The following RANBP2 variants were observed in gnomAD, a reference collection of about 807,000 sequenced individuals.
RANBP2 encodes the protein E3 SUMO-protein ligase RanBP2.
In RANBP2, 57 loss-of-function variants were observed where a neutral mutation model predicts 303.6. The ratio of observed to expected loss-of-function variants is 0.19; its 90% CI spans 0.15 to 0.23. The LOEUF is 0.23. RANBP2 is among the 10% of genes least tolerant of loss of function. The pLI, the probability that RANBP2 is intolerant of heterozygous loss-of-function variation, is 1.00. For synonymous variants in RANBP2, 1,167 were observed against 1,301.5 expected (o/e 0.90, Z 2.23); for missense variants, 3,138 against 3,780.8 (o/e 0.83, Z 4.46).
the RANBP2 span, among the ~76,000 whole-genome samples, chr2:109,270,991 A>T: frequency 6.6e-6 from 1 of 152,114 alleles, no homozygotes; most frequent in Non-Finnish European, 1.5e-5. Flanking sequence ...TGTTTATTCC[A>T]TTTTCTGGGT....
the RANBP2 span, among the ~76,000 whole-genome samples, chr2:109,510,915 G>A: frequency 1.3e-5 from 2 of 152,192 alleles, no homozygotes; most frequent in Non-Finnish European, 2.9e-5. Flanking sequence ...GCCTCCTCGT[G>A]GGTGCTGAAG....
chr2:109,495,368 C>T, the RANBP2 span, among the ~76,000 whole-genome samples: 1 of 152,126 alleles, frequency 6.6e-6, no homozygotes, highest in Non-Finnish European at 1.5e-5. Context: ...TGGATGCCTG[C>T]CTCCTGGCTC....
the RANBP2 span, among the ~76,000 whole-genome samples, chr2:109,179,234 C>A: frequency 6.6e-6 from 1 of 152,200 alleles, no homozygotes; most frequent in East Asian, 1.9e-4. Flanking sequence ...CCTGTTCTGA[C>A]ATGTGATCCT....
the RANBP2 span, among the ~76,000 whole-genome samples, chr2:108,837,187 C>T: frequency 1.3e-5 from 2 of 152,096 alleles, no homozygotes; most frequent in South Asian, 4.2e-4. Flanking sequence ...TATATATAGC[C>T]TTTATTATAT....
At chr2:109,460,324 A>G in the RANBP2 span, among the ~76,000 whole-genome samples, 2 of 152,202 alleles carry the variant, frequency 1.3e-5, no homozygotes, top group African/African-American at 2.4e-5. Flanking sequence ...AGGTGGTCCA[A>G]GGTAGTCACC....
chr2:109,546,267 GAC>G, the RANBP2 span: 519 of 1,454,962 alleles, frequency 3.6e-4, 2 homozygotes, highest in African/African-American at 6.8e-3. Flanking sequence ...CCCCACTACT[GAC>G]ACAGCGCGGC....
At chr2:109,478,267 G>A in the RANBP2 span, among the ~76,000 whole-genome samples, 12 of 152,168 alleles carry the variant, frequency 7.9e-5, no homozygotes, top group South Asian at 2.1e-4. Flanking sequence ...CCATAAAGCC[G>A]TCTAGCTGTC....
At chr2:108,800,452 ACGGG>A in the RANBP2 span, among the ~76,000 whole-genome samples, 1 of 151,692 alleles carries the variant, frequency 6.6e-6, no homozygotes, top group Non-Finnish European at 1.5e-5. Flanking sequence ...TTTAGTAGGG[ACGGG>A]GTTTCACCAT....
chr2:108,750,686 C>T (rs1034607958), intron 9 of RANBP2, among the ~76,000 whole-genome samples: 5 of 152,092 alleles, frequency 3.3e-5, no homozygotes, highest in African/African-American at 1.2e-4. Context: ...CTGCCAGGTT[C>T]AAGCAATTGT....
At chr2:109,376,820 C>A in the RANBP2 span, among the ~76,000 whole-genome samples, 1 of 152,240 alleles carries the variant, frequency 6.6e-6, no homozygotes, top group Non-Finnish European at 1.5e-5. Context: ...AGACAGCCAG[C>A]ATCTCAGCAT....
the RANBP2 span, among the ~76,000 whole-genome samples, chr2:109,478,392 C>T: frequency 6.6e-6 from 1 of 152,210 alleles, no homozygotes; most frequent in African/African-American, 2.4e-5. Context: ...TCAAGATGGG[C>T]CCTCCAGTCT....
In RANBP2 at chr2:108,719,566, G is replaced by C. The variant is rs372373398; in HGVS notation, c.-41G>C. On this transcript the variant is annotated 5_prime_UTR_variant, in exon 1 of 29. Coordinates refer to ENST00000283195, the MANE Select transcript of RANBP2 (RefSeq NM_006267.5). ...GAAGTGGCGACTGCTGCGGGCCTGA[G>C]CGCTGGTCTCACGCGCCTCGGGAGC... 1 of 1,582,450 alleles carries C rather than the reference G, an allele frequency of 6.3e-7. No homozygotes were observed. The highest frequency in any genetic ancestry group is 1.2e-5 in the South Asian group (1 of 86,778).
At chr2:109,711,750 A>C in the RANBP2 span, among the ~76,000 whole-genome samples, 2 of 152,030 alleles carry the variant, frequency 1.3e-5, no homozygotes, top group African/African-American at 4.8e-5. Context: ...CACAATTATG[A>C]GGGGCCTTTC....
chr2:109,613,966 G>T, the RANBP2 span: 1 of 1,169,396 alleles, frequency 8.6e-7, no homozygotes, highest in African/African-American at 1.6e-5. Context: ...ACGGGGAAGG[G>T]ACAGGGGCGG....
chr2:108,777,001 T>G (rs1677935442), intron 24 of RANBP2, 129 bp from the exon 25 acceptor site: 1 of 741,834 alleles, frequency 1.3e-6, no homozygotes, highest in Non-Finnish European at 2.2e-6. Flanking sequence ...TTTTGTAACT[T>G]GACAGAATTT....
chr2:109,183,015 C>T, the RANBP2 span, among the ~76,000 whole-genome samples: 2 of 152,222 alleles, frequency 1.3e-5, no homozygotes, highest in Non-Finnish European at 2.9e-5. Context: ...CATCCTTCCA[C>T]ATGACTGTGT....
the RANBP2 span, among the ~76,000 whole-genome samples, chr2:109,172,392 T>C: frequency 6.6e-6 from 1 of 152,260 alleles, no homozygotes; most frequent in Non-Finnish European, 1.5e-5. Context: ...CTCTCCCTGC[T>C]CCTGGAGGTC....
At chr2:109,091,109 T>C in the RANBP2 span, among the ~76,000 whole-genome samples, 6 of 152,172 alleles carry the variant, frequency 3.9e-5, no homozygotes, top group African/African-American at 1.4e-4. Flanking sequence ...TACACGCCTG[T>C]AGTCCCTGCT....
At chr2:108,762,044 C>T in intron 18 of RANBP2, 57 bp from the exon 19 acceptor site, 1 of 1,591,700 alleles carries the variant, frequency 6.3e-7, no homozygotes. Flanking sequence ...CCTAGATAGT[C>T]TTAACTGTAG....
Sources: allele counts gnomAD v4.1 joint callset (sites outside exome capture counted in the v4.1 genomes callset), GRCh38; gene constraint gnomAD v4.1.1; transcripts MANE v1.5; gene names NCBI Gene and HGNC (gene_info 2026-07-23, HGNC 2026-07-21).